The following GNA14 variants were observed in gnomAD, a reference collection of about 807,000 sequenced individuals.
GNA14 encodes the protein guanine nucleotide-binding protein subunit alpha-14.
GNA14 carries 50 observed loss-of-function variants against 42.0 expected under a neutral mutation model. The ratio of observed to expected loss-of-function variants is 1.19; its 90% confidence interval spans 0.95 to 1.51. The LOEUF (loss-of-function observed/expected upper bound fraction) is 1.51. Ranked by LOEUF, GNA14 falls within the 40% of genes most tolerant of loss-of-function variation. The probability of loss-of-function intolerance (pLI) is 0.00; values close to 1 mark genes in which losing one functional copy is unlikely to be tolerated. For synonymous variants in GNA14, 173 were observed against 163.1 expected (o/e 1.06, Z -0.46); for missense variants, 473 against 446.2 (o/e 1.06, Z -0.54).
intron 1 of GNA14, among the ~76,000 whole-genome samples, chr9:77,553,951 T>C (rs1489743671): frequency 6.6e-6 from 1 of 151,984 alleles, no homozygotes; most frequent in African/African-American, 2.4e-5. Context: ...GCTGAGAAAA[T>C]CAATGCAGAT....
intron 1 of GNA14, among the ~76,000 whole-genome samples, chr9:77,623,585 T>C (rs995633400): frequency 2.6e-5 from 4 of 152,070 alleles, no homozygotes; most frequent in Admixed American, 6.5e-5. Context: ...CTCATCTCAT[T>C]GGGATTGGTT....
At chr9:77,491,702 A>G (rs1330451056) in intron 2 of GNA14, among the ~76,000 whole-genome samples, 2 of 152,244 alleles carry the variant, frequency 1.3e-5, no homozygotes, top group Non-Finnish European at 2.9e-5. Context: ...ACAGATTGCA[A>G]TACAATACTG....
chr9:77,477,092 C>G (rs887504809), intron 2 of GNA14, among the ~76,000 whole-genome samples: 5 of 152,198 alleles, frequency 3.3e-5, no homozygotes, highest in Non-Finnish European at 7.3e-5. Flanking sequence ...CACGGTAGCT[C>G]TCACGTGTAA....
chr9:77,588,178 T>G (rs1823334764), intron 1 of GNA14, among the ~76,000 whole-genome samples: 1 of 152,182 alleles, frequency 6.6e-6, no homozygotes, highest in Admixed American at 6.5e-5. Flanking sequence ...GCAAAGTCCC[T>G]TTTGCCATGT....
In GNA14 at chr9:77,593,841, G is replaced by A. The variant is rs139512135; in HGVS notation, c.124+53829C>T. 1.3e-4 allele frequency among the ~76,000 whole-genome samples: 20 copies of A among 152,322 alleles called. No individual in the cohort carries two copies. In the East Asian group the frequency reaches 3.5e-3, roughly 26 times the overall value. On this transcript the variant is annotated intron_variant, in intron 1 of 6. Transcript: ENST00000341700. Reference sequence around the variant, plus strand: ...AGCAAGGCTGAAAGAAAAACAAGTAGAAGTCAAATGTGCATGTAGTTTTAA... The same window carrying A: ...AGCAAGGCTGAAAGAAAAACAAGTAAAAGTCAAATGTGCATGTAGTTTTAA...
intron 1 of GNA14, among the ~76,000 whole-genome samples, chr9:77,640,332 T>C (rs1251448596): frequency 6.6e-6 from 1 of 152,192 alleles, no homozygotes; most frequent in Non-Finnish European, 1.5e-5. Context: ...ATAGCTTTGC[T>C]CCAATAATTC....
At chr9:77,439,657 T>C (rs1382646262) in intron 2 of GNA14, among the ~76,000 whole-genome samples, 1 of 152,126 alleles carries the variant, frequency 6.6e-6, no homozygotes, top group African/African-American at 2.4e-5. Context: ...ATAATGATGA[T>C]GACCCAAAAG....
intron 2 of GNA14, among the ~76,000 whole-genome samples, chr9:77,481,927 T>C (rs896779742): frequency 2.6e-5 from 4 of 152,234 alleles, no homozygotes; most frequent in African/African-American, 9.6e-5. Context: ...TCCTTTTTTT[T>C]TGAGCCTATG....
Position 77,425,559 on chromosome 9 carries a change from T to TA in GNA14, c.877+2dup. On this transcript the variant is annotated splice_region_variant and intron_variant, in intron 6 of 6. Transcript: ENST00000341700. ...AAACACTGTCCACAAGATAGACACT[T>TA]ACCTGTGTATTCTGGGAAATAGCTA... 6.3e-7 allele frequency: 1 copy of TA among 1,596,228 alleles called. No individual in the cohort carries two copies. The highest frequency in any genetic ancestry group is 8.6e-7 in the Non-Finnish European group (1 of 1,168,608).
chr9:77,477,226 G>A (rs141208581), intron 2 of GNA14, among the ~76,000 whole-genome samples: 14 of 152,156 alleles, frequency 9.2e-5, no homozygotes, highest in Non-Finnish European at 1.8e-4. Context: ...GTGTGCTGGC[G>A]TGCACCAGTA....
At chr9:77,474,828 A>G (rs1300212867) in intron 2 of GNA14, among the ~76,000 whole-genome samples, 1 of 152,196 alleles carries the variant, frequency 6.6e-6, no homozygotes, top group Non-Finnish European at 1.5e-5. Flanking sequence ...AAGTAAATGA[A>G]TTACTGATAC....
At chr9:77,610,883 CTCATT>C (rs1272534007) in intron 1 of GNA14, among the ~76,000 whole-genome samples, 3 of 152,192 alleles carry the variant, frequency 2.0e-5, no homozygotes, top group Non-Finnish European at 4.4e-5. Context: ...CTTTTCCTCT[CTCATT>C]TGTGTGAAAG....
chr9:77,551,080 T>G (rs568117834), intron 1 of GNA14, among the ~76,000 whole-genome samples: 2 of 152,170 alleles, frequency 1.3e-5, no homozygotes, highest in Non-Finnish European at 2.9e-5. Flanking sequence ...TTTTCCATCA[T>G]AGGTTGAAAG....
chr9:77,520,262 A>T (rs990093434), intron 2 of GNA14, among the ~76,000 whole-genome samples: 2 of 152,174 alleles, frequency 1.3e-5, no homozygotes, highest in Non-Finnish European at 2.9e-5. Context: ...ACAACCCCAA[A>T]AGGGGAATTT....
At chr9:77,554,862 TTTTCTTTTTTTAA>T (rs1822738292) in intron 1 of GNA14, among the ~76,000 whole-genome samples, 5 of 152,134 alleles carry the variant, frequency 3.3e-5, no homozygotes, top group Non-Finnish European at 7.3e-5. Context: ...TGTGGCTGAG[TTTTCTTTTTTTAA>T]ATGCAAATGT....
At chr9:77,467,000 G>GGT (rs59321037) in intron 2 of GNA14, among the ~76,000 whole-genome samples, 4,543 of 143,532 alleles carry the variant, frequency 0.032, 80 homozygotes, top group Admixed American at 0.059. Context: ...TTTACCACTC[G>GGT]GTGTGTGTGT....
At chr9:77,543,490 T>G (rs1394648526) in intron 1 of GNA14, among the ~76,000 whole-genome samples, 1 of 152,194 alleles carries the variant, frequency 6.6e-6, no homozygotes, top group East Asian at 1.9e-4. Flanking sequence ...GCTGCTCAGG[T>G]CTCAGGAGCC....
intron 1 of GNA14, among the ~76,000 whole-genome samples, chr9:77,625,624 C>G (rs1378712461): frequency 2.6e-5 from 4 of 152,152 alleles, no homozygotes; most frequent in Non-Finnish European, 4.4e-5. Context: ...AATTTCATAT[C>G]CAGCCAAACT....
intron 2 of GNA14, among the ~76,000 whole-genome samples, chr9:77,491,418 T>A (rs1293469709): frequency 6.6e-6 from 1 of 152,190 alleles, no homozygotes; most frequent in Non-Finnish European, 1.5e-5. Flanking sequence ...TACAAAAACC[T>A]GCTTTACTTA....
Sources: allele counts gnomAD v4.1 joint callset (sites outside exome capture counted in the v4.1 genomes callset), GRCh38; gene constraint gnomAD v4.1.1; transcripts MANE v1.5; gene names NCBI Gene and HGNC (gene_info 2026-07-23, HGNC 2026-07-21).